Variants in INPP5E observed in about 807,000 individuals in gnomAD.
INPP5E encodes inositol polyphosphate-5-phosphatase E.
INPP5E carries 34 observed loss-of-function variants against 50.5 expected under a neutral mutation model. The observed-to-expected ratio is 0.67, with a 90% confidence interval of 0.51 to 0.90. The LOEUF (loss-of-function observed/expected upper bound fraction) is 0.90, where lower values mean the gene tolerates loss of function less well. Among genes scored for constraint, INPP5E ranks in the 40% least tolerant of loss-of-function variants. The probability of loss-of-function intolerance (pLI) is 0.00; values close to 1 mark genes in which losing one functional copy is unlikely to be tolerated. For synonymous variants in INPP5E, 447 were observed against 406.0 expected (o/e 1.10, Z -1.21); for missense variants, 942 against 905.5 (o/e 1.04, Z -0.52).
chr9:136,430,416 T>C lies in INPP5E; in HGVS notation c.1666-3A>G, dbSNP rs1423245034. On this transcript the variant is annotated splice_region_variant and splice_polypyrimidine_tract_variant and intron_variant, in intron 8 of 9. Transcript: ENST00000371712. ...CGGCTTCTGTACAAGACGCGGTCCT[T>C]TGGGAAGATTGCAGAGGCAGGAGGT... 1 of 1,554,758 alleles carries C rather than the reference T, an allele frequency of 6.4e-7. No homozygotes were observed. The highest frequency in any genetic ancestry group is 1.2e-5 in the South Asian group (1 of 84,350).
At chr9:136,434,937 G>A (rs965684243) in intron 1 of INPP5E, 74 bp from the exon 2 acceptor site, 2 of 1,537,278 alleles carry the variant, frequency 1.3e-6, no homozygotes, top group Non-Finnish European at 1.8e-6. Context: ...GGTCCCCAGG[G>A]ACAATAGCAA....
At chr9:136,435,312 C>T (rs1039594613) in intron 1 of INPP5E, among the ~76,000 whole-genome samples, 6 of 152,120 alleles carry the variant, frequency 3.9e-5, no homozygotes, top group Non-Finnish European at 2.9e-5. Flanking sequence ...TCCATCTCCT[C>T]GACACCCCGT....
intron 5 of INPP5E, 103 bp from the exon 6 acceptor site, chr9:136,432,689 G>A: frequency 6.4e-6 from 6 of 943,102 alleles, no homozygotes; most frequent in Non-Finnish European, 9.9e-6. Flanking sequence ...ACCCCCGGCA[G>A]ACGCAACCCC....
chr9:136,432,368 C>T (rs1178919871), intron 6 of INPP5E, 111 bp downstream of exon 6: 5 of 767,302 alleles, frequency 6.5e-6, no homozygotes, highest in African/African-American at 1.7e-5. Flanking sequence ...ACGTTTCGGC[C>T]CTCGCTTCCC....
chr9:136,430,871 G>T, intron 8 of INPP5E, 131 bp downstream of exon 8: 1 of 717,998 alleles, frequency 1.4e-6, no homozygotes, highest in Non-Finnish European at 2.5e-6. Context: ...TTGCCACAAG[G>T]CCAAGGTGCA....
Position 136,439,267 on chromosome 9 carries a change from G to C in INPP5E, c.153C>G (p.Ala51=). ...DAPGSESPAL[A]CSTPATPSGE... ...CGCTGGGCGTGGCCGGAGTGCTGCA[G>C]GCAAGCGCGGGGCTCTCGGAGCCCG... The change falls in exon 1 of 10, where the codon GCC becomes GCG. Residue 51 remains alanine (A), a synonymous_variant. Transcript: ENST00000371712. 6.8e-7 allele frequency: 1 copy of C among 1,478,616 alleles called. No individual in the cohort carries two copies. The allele number at this position is 1,478,616 out of a possible 1,614,324, so 91.6% of individuals were successfully genotyped here.
At position 136,432,685 on chromosome 9, in the gene INPP5E, G is replaced by A. The variant is rs192375086; in HGVS notation, c.1280-99C>T. ...GACTGTGCCCTGACTGCGCACCCCC[G>A]GCAGACGCAACCCCACCGGGCATCC... On this transcript the variant is annotated intron_variant, in intron 5 of 9. Transcript: ENST00000371712. 2.6e-4 allele frequency: 251 copies of A among 959,090 alleles called. 3 individuals are homozygous for A. The East Asian group carries it at 4.6e-3, about 17-fold the overall frequency. The allele number at this position is 959,090 out of a possible 1,614,324, so 59.4% of individuals were successfully genotyped here.
chr9:136,436,108 C>T (rs1390497327), intron 1 of INPP5E: 1 of 151,716 alleles, frequency 6.6e-6, no homozygotes, highest in South Asian at 2.1e-4. Context: ...ACTTCTTCAA[C>T]CCTGGCTGCG....
At chr9:136,438,372 G>A (rs1835881177) in intron 1 of INPP5E, 2 of 598,034 alleles carry the variant, frequency 3.3e-6, no homozygotes, top group Non-Finnish European at 6.0e-6. Context: ...ATGCCATCCT[G>A]TCTACCTTAA....
chr9:136,433,281 T>C lies in INPP5E; in HGVS notation c.1035-2A>G. ...TGCAGACGAGTCTCCCACTCCCGCCTGCAGAGGAGGAAGCACGGCCGGCTG... is the reference window on the plus strand; with the variant it reads ...TGCAGACGAGTCTCCCACTCCCGCCCGCAGAGGAGGAAGCACGGCCGGCTG... On this transcript the variant is annotated splice_acceptor_variant, in intron 3 of 9. Coordinates refer to ENST00000371712, the MANE Select transcript of INPP5E (RefSeq NM_019892.6). LOFTEE classifies it high-confidence loss of function. 1.3e-6 allele frequency: 2 copies of C among 1,581,556 alleles called. No individual in the cohort carries two copies. Among genetic ancestry groups the C allele is most frequent in the Non-Finnish European group, 1.7e-6 (2 of 1,170,814 alleles).
chr9:136,436,985 T>C (rs1433176907), intron 1 of INPP5E: 2 of 152,290 alleles, frequency 1.3e-5, no homozygotes, highest in African/African-American at 4.8e-5. Context: ...AACAGGTGTA[T>C]CTACGTCAAC....
At position 136,439,195 on chromosome 9, in the gene INPP5E, G is replaced by T. The variant is rs767451997; in HGVS notation, c.225C>A (p.Pro75=). Residue 75 remains proline, a synonymous_variant, in exon 1 of 10, where the codon CCC becomes CCA. Transcript: ENST00000371712. ...ARAAPIAPRP[P]ARPRLERALS... is the part of the protein sequence containing the mutation. ...GGGCTCGCTCCAGTCGAGGCCTGGCGGGGGGCCGCGGGGCGATGGGTGCTG... is the reference window on the plus strand; with the variant it reads ...GGGCTCGCTCCAGTCGAGGCCTGGCTGGGGGCCGCGGGGCGATGGGTGCTG... 3 of 1,541,840 alleles carry T rather than the reference G, an allele frequency of 1.9e-6. No homozygotes were observed. The highest frequency in any genetic ancestry group is 1.9e-5 in the Admixed American group (1 of 51,710).
At chr9:136,434,277 G>A (rs1020606852) in intron 2 of INPP5E, 143 bp from the exon 3 acceptor site, 13 of 658,768 alleles carry the variant, frequency 2.0e-5, no homozygotes, top group East Asian at 5.4e-5. Flanking sequence ...GGAGCTGCCC[G>A]GTCTCCGAGG....
At chr9:136,433,111 C>G in intron 4 of INPP5E, 36 bp from the exon 5 acceptor site, 2 of 1,455,422 alleles carry the variant, frequency 1.4e-6, no homozygotes, top group Admixed American at 3.9e-5. Context: ...ACCTGTGGGA[C>G]GCTGCCACCT....
Position 136,429,601 on chromosome 9 carries a change from C to G in INPP5E, c.*74G>C. 6.3e-7 allele frequency: 1 copy of G among 1,590,592 alleles called. No homozygotes were observed. Among genetic ancestry groups the G allele is most frequent in the Middle Eastern group, 1.9e-4 (1 of 5,230 alleles). On this transcript the variant is annotated 3_prime_UTR_variant, in exon 10 of 10. Transcript: ENST00000371712. The stretch of plus-strand genomic sequence containing the variant: ...TCGGATCCCCGAAAGGCGGCAAACT[C>G]TTTGTCCTTCCCAGTGGGTTTTGAT...
chr9:136,438,208 G>A (rs568730981), intron 1 of INPP5E: 162 of 247,138 alleles, frequency 6.6e-4, no homozygotes, highest in African/African-American at 3.6e-3. Flanking sequence ...CCAGGAGGCA[G>A]AGGTTGCAGT....
In INPP5E at chr9:136,432,548, T is replaced by C. The variant is rs752497011; in HGVS notation, c.1318A>G (p.Thr440Ala). 1.9e-6 allele frequency: 3 copies of C among 1,550,874 alleles called. No individual in the cohort carries two copies. In the South Asian group the frequency reaches 3.6e-5, roughly 18 times the overall value. The change falls in exon 6 of 10, where the codon ACC (threonine) becomes GCC (alanine). Residue 440 changes from threonine to alanine, a missense_variant. Coordinates refer to ENST00000371712, the MANE Select transcript of INPP5E (RefSeq NM_019892.6). ...GKVAERLLDY[T>A]RTVQALVLPR... ...AGGACCAGGGCTTGTACAGTCCTGG[T>C]GTAGTCCAGCAGCCGCTCCGCCACC... is the stretch of plus-strand genomic sequence containing the variant.
rs1835755370 is a variant in INPP5E, at chr9:136,433,234, A to G, written c.1080T>C (p.Tyr360=). 1 of 1,588,454 alleles carries G rather than the reference A, an allele frequency of 6.3e-7. No individual in the cohort carries two copies. The highest frequency in any genetic ancestry group is 8.5e-7 in the Non-Finnish European group (1 of 1,173,794). Residue 360 remains tyrosine, a synonymous_variant, in exon 4 of 10, where the codon TAT becomes TAC. Coordinates refer to ENST00000371712, the MANE Select transcript of INPP5E (RefSeq NM_019892.6). The stretch of plus-strand genomic sequence containing the variant: ...CGTGGGCCGCCGAGGACAGCAGCAC[A>G]TAGTGCGGGCCCAGCGTCTCCTGCA... ...TRLQETLGPH[Y]VLLSSAAHGV...
chr9:136,435,067 C>T (rs369504412), intron 1 of INPP5E, among the ~76,000 whole-genome samples: 23 of 152,340 alleles, frequency 1.5e-4, no homozygotes, highest in East Asian at 9.6e-4. Flanking sequence ...ACACCCAGAG[C>T]GGGTTCACAC....
Sources: gnomAD v4.1 joint callset for allele counts (sites outside exome capture counted in the v4.1 genomes callset) on GRCh38, gnomAD v4.1.1 for gene constraint, MANE v1.5 for transcripts, NCBI Gene and HGNC (gene_info 2026-07-23, HGNC 2026-07-21) for gene names.